Variants in ITSN1 observed in about 807,000 individuals in gnomAD.
ITSN1 encodes intersectin 1.
ITSN1 carries 58 observed loss-of-function variants against 239.8 expected under a neutral mutation model. The ratio of observed to expected loss-of-function variants is 0.24; its 90% CI spans 0.20 to 0.30. The LOEUF is 0.30. ITSN1 is among the 10% of genes least tolerant of loss of function. ITSN1 has a pLI of 1.00. For synonymous variants in ITSN1, 780 were observed against 770.8 expected (o/e 1.01, Z -0.20); for missense variants, 1,558 against 2,103.3 (o/e 0.74, Z 5.07).
At chr21:33,857,961 C>T (rs1979681113) in intron 30 of ITSN1, among the ~76,000 whole-genome samples, 1 of 152,164 alleles carries the variant, frequency 6.6e-6, no homozygotes, top group South Asian at 2.1e-4. Context: ...CCCTAAAGAG[C>T]CTTCAGAAGC....
intron 37 of ITSN1, 115 bp downstream of exon 37, chr21:33,885,238 A>G (rs1985593980): frequency 5.8e-6 from 6 of 1,033,722 alleles, no homozygotes; most frequent in East Asian, 2.5e-5. Flanking sequence ...AGGGGCATGG[A>G]ATGAGATGGA....
chr21:33,799,567 T>C (rs1328594733), intron 18 of ITSN1, among the ~76,000 whole-genome samples: 1 of 152,154 alleles, frequency 6.6e-6, no homozygotes, highest in Non-Finnish European at 1.5e-5. Flanking sequence ...CACCCAGGCT[T>C]GGAGTGACCT....
At chr21:33,774,654 A>G (rs1194460828) in intron 12 of ITSN1, 75 bp from the exon 13 acceptor site, 10 of 1,399,236 alleles carry the variant, frequency 7.1e-6, no homozygotes, top group East Asian at 2.4e-5. Context: ...GACTTCCTAG[A>G]TGCCATTTTT....
At position 33,896,300 on chromosome 21, in the gene ITSN1, C is replaced by G. The variant is rs1457050278; in HGVS notation, c.*8000C>G. ...AGCTGTGAGCCTTTACCATTGAGCT[C>G]ACTGCTTGGAAATAAAACCCTTCCT... is the stretch of plus-strand genomic sequence containing the variant. On this transcript the variant is annotated 3_prime_UTR_variant, in exon 40 of 40. Transcript: ENST00000381318. 1 of 152,264 alleles carries G rather than the reference C, an allele frequency of 6.6e-6. No individual in the cohort carries two copies. Among genetic ancestry groups the G allele is most frequent in the Non-Finnish European group, 1.5e-5 (1 of 68,060 alleles). The allele number at this position is 152,264 out of a possible 1,614,324, so 9.4% of individuals were successfully genotyped here. A position where few individuals can be genotyped will look rare whatever the true frequency, so the allele number is the denominator to read the frequency against.
At chr21:33,722,897 A>G (rs1383347505) in intron 4 of ITSN1, among the ~76,000 whole-genome samples, 1 of 152,218 alleles carries the variant, frequency 6.6e-6, no homozygotes, top group Non-Finnish European at 1.5e-5. Context: ...TTGAATTTCC[A>G]TGGAGACATC....
intron 19 of ITSN1, among the ~76,000 whole-genome samples, chr21:33,800,314 T>C (rs2148070490): frequency 6.6e-6 from 1 of 151,964 alleles, no homozygotes; most frequent in African/African-American, 2.4e-5. Context: ...TATATGTGTA[T>C]GTATAATATA....
chr21:33,840,991 G>A (rs999522600), intron 29 of ITSN1, among the ~76,000 whole-genome samples: 5 of 152,028 alleles, frequency 3.3e-5, no homozygotes, highest in African/African-American at 1.2e-4. Flanking sequence ...ACACTGCAGA[G>A]CAGGCCTGCA....
chr21:33,898,725 C>T lies in ITSN1; in HGVS notation c.*10425C>T, dbSNP rs933032054. On this transcript the variant is annotated 3_prime_UTR_variant, in exon 40 of 40. Transcript: ENST00000381318. ...GAGGGCCTGTGGTCTGAAAAGACAT[C>T]TGAAGAATGTGTTAGGTTTTCAACA... 1.3e-5 allele frequency: 2 copies of T among 152,230 alleles called. No homozygotes were observed. The highest frequency in any genetic ancestry group is 2.9e-5 in the Non-Finnish European group (2 of 68,050). The allele number at this position is 152,230 out of a possible 1,614,324, so 9.4% of individuals were successfully genotyped here. A position where few individuals can be genotyped will look rare whatever the true frequency, so the allele number is the denominator to read the frequency against.
At chr21:33,729,324 C>T (rs944521283) in intron 4 of ITSN1, among the ~76,000 whole-genome samples, 1 of 151,920 alleles carries the variant, frequency 6.6e-6, no homozygotes, top group Non-Finnish European at 1.5e-5. Flanking sequence ...GTGGCACATG[C>T]CTGTAGTCTC....
chr21:33,830,271 A>T (rs1248163488), intron 27 of ITSN1, among the ~76,000 whole-genome samples: 3 of 152,152 alleles, frequency 2.0e-5, no homozygotes, highest in Non-Finnish European at 4.4e-5. Flanking sequence ...AGATGCTTTA[A>T]AAAGATTACT....
At position 33,664,402 on chromosome 21, in the gene ITSN1, A is replaced by G. The variant is rs181277666; in HGVS notation, c.-33+21689A>G. Among the ~76,000 whole-genome samples, 5 of 152,218 alleles carry G rather than the reference A, an allele frequency of 3.3e-5. No individual in the cohort carries two copies. The East Asian group carries it at 7.7e-4, about 24-fold the overall frequency. On this transcript the variant is annotated intron_variant, in intron 1 of 39. Transcript: ENST00000381318. ...GGGATGGGAAGGGGCCAGGTTGTTA[A>G]CAGCCAGCTCATGTGAGAACTAAGA...
At chr21:33,756,287 CAA>C (rs923721086) in intron 8 of ITSN1, among the ~76,000 whole-genome samples, 8 of 56,772 alleles carry the variant, frequency 1.4e-4, no homozygotes, top group East Asian at 1.1e-3. Flanking sequence ...GACTCCGTCT[CAA>C]AAAAAAAAAA....
chr21:33,817,556 ATC>A (rs1470547588), intron 22 of ITSN1: 2 of 1,303,748 alleles, frequency 1.5e-6, no homozygotes, highest in Non-Finnish European at 2.0e-6. Flanking sequence ...GGTTGTTTTT[ATC>A]TCTGTCTTCC....
At chr21:33,670,557 C>T (rs2090203319) in intron 1 of ITSN1, among the ~76,000 whole-genome samples, 1 of 151,926 alleles carries the variant, frequency 6.6e-6, no homozygotes, top group Non-Finnish European at 1.5e-5. Context: ...TGTTGCAGAC[C>T]TCCTTAATGT....
intron 22 of ITSN1, among the ~76,000 whole-genome samples, chr21:33,816,436 T>C (rs937126529): frequency 2.0e-5 from 3 of 152,186 alleles, no homozygotes; most frequent in African/African-American, 4.8e-5. Flanking sequence ...TAATAGCCTT[T>C]TGGAGAAAGT....
chr21:33,817,605 A>G (rs754933550), intron 22 of ITSN1: 15 of 1,291,028 alleles, frequency 1.2e-5, no homozygotes, highest in South Asian at 1.1e-4. Context: ...AATACTGCCC[A>G]TCTTTATAGT....
chr21:33,754,850 C>T lies in ITSN1; in HGVS notation c.624-447C>T, dbSNP rs537256192. Among the ~76,000 whole-genome samples the T allele has an allele frequency of 1.6e-4, 25 of 152,214 alleles. No individual in the cohort carries two copies. In the South Asian group the frequency reaches 4.2e-3, roughly 25 times the overall value. ...TTAAGAAATGGGTCCTGTATATTCACGTATAGAAAGTTAAAACATTTTGGA... is the reference window on the plus strand; with the variant it reads ...TTAAGAAATGGGTCCTGTATATTCATGTATAGAAAGTTAAAACATTTTGGA... On this transcript the variant is annotated intron_variant, in intron 7 of 39. Coordinates refer to ENST00000381318, the MANE Select transcript of ITSN1 (RefSeq NM_003024.3).
chr21:33,797,416 G>T lies in ITSN1; in HGVS notation c.1990G>T (p.Val664Leu). 2 of 1,614,050 alleles carry T rather than the reference G, an allele frequency of 1.2e-6. No homozygotes were observed. Among genetic ancestry groups the T allele is most frequent in the Non-Finnish European group, 1.7e-6 (2 of 1,179,966 alleles). ...AAGGGACAAGCAGTGGCTGGAGCAT[G>T]TGCAGCAGGAGGACGAGCATCAGAG... ...QERDKQWLEH[V>L]QQEDEHQRPR... is the part of the protein sequence containing the mutation. The change falls in exon 18 of 40, where the codon GTG (valine) becomes TTG (leucine). Residue 664 changes from valine to leucine, a missense_variant. Around this residue, in one of 2 missense-constraint regions of ITSN1, gnomAD observed 982 missense variants for 1,209.9 expected, o/e 0.81. Transcript: ENST00000381318. This position sits in a 1 kb window ranked among gnomAD's most constrained non-coding sequence, Gnocchi z 4.9.
At chr21:33,680,323 CTTTTCTTTTTTCTTTT>C (rs2090868333) in intron 1 of ITSN1, among the ~76,000 whole-genome samples, 1 of 147,520 alleles carries the variant, frequency 6.8e-6, no homozygotes, top group Non-Finnish European at 1.5e-5. Flanking sequence ...CTTTTTCTTT[CTTTTCTTTTTTCTTTT>C]TTTTTTTTTT....
Sources: gnomAD v4.1 joint callset for allele counts (sites outside exome capture counted in the v4.1 genomes callset) on GRCh38, gnomAD v4.1.1 for gene constraint, gnomAD v4.1.1 regional missense constraint, Gnocchi (gnomAD v3.1) non-coding constraint, MANE v1.5 for transcripts, NCBI Gene and HGNC (gene_info 2026-07-23, HGNC 2026-07-21) for gene names.